The following MROH2B variants were observed in gnomAD, a reference collection of about 807,000 sequenced individuals.
MROH2B encodes maestro heat like repeat family member 2B, also known as maestro heat-like repeat-containing protein family member 2B.
Under a neutral mutation model 208.6 loss-of-function variants are expected in MROH2B, and 177 were observed. The ratio of observed to expected loss-of-function variants is 0.85; its 90% confidence interval spans 0.75 to 0.96. MROH2B has a LOEUF of 0.96. Among genes scored for constraint, MROH2B ranks in the 40% least tolerant of loss-of-function variants. The pLI is 0.00. For missense variants in MROH2B, 2,002 were observed against 1,878.7 expected, an observed-to-expected ratio of 1.07 and a Z score of -1.21; for synonymous variants, 728 against 659.0, an observed-to-expected ratio of 1.10 and a Z score of -1.60.
chr5:41,057,574 T>TTTTTTTTTTTTTTTTTTTTTTTTTTTTG (rs1561304757), intron 7 of MROH2B, among the ~76,000 whole-genome samples: 1 of 142,728 alleles, frequency 7.0e-6, no homozygotes, highest in Non-Finnish European at 1.5e-5. Flanking sequence ...TTTTTTTTTT[T>TTTTTTTTTTTTTTTTTTTTTTTTTTTTG]GAGACGGAGT....
At chr5:41,011,285 T>G (rs1056827579) in intron 30 of MROH2B, among the ~76,000 whole-genome samples, 1 of 152,234 alleles carries the variant, frequency 6.6e-6, no homozygotes, top group Non-Finnish European at 1.5e-5. Flanking sequence ...AATTCCTTAG[T>G]TATAAATAGC....
chr5:41,052,174 T>G (rs770909575), intron 12 of MROH2B, among the ~76,000 whole-genome samples: 14 of 148,622 alleles, frequency 9.4e-5, no homozygotes, highest in Non-Finnish European at 2.1e-4. Flanking sequence ...TGATTTAACC[T>G]ATCTTGTGTT....
Position 41,018,937 on chromosome 5 carries a change from A to G in MROH2B, c.2523T>C (p.Pro841=). The change falls in exon 25 of 42, where the codon CCT becomes CCC. Residue 841 remains proline, a synonymous_variant. Transcript: ENST00000399564. The part of the protein sequence containing the change: ...ENIRRLLPLP[P]LENLKSEGQT... ...GGCCTTCACTTTTCAGATTTTCCAG[A>G]GGTGGAAGGGGCAGCAGCCTCCGAA... The G allele has an allele frequency of 6.2e-7, 1 of 1,613,802 alleles. No homozygotes were observed. Among genetic ancestry groups the G allele is most frequent in the South Asian group, 1.1e-5 (1 of 91,072 alleles).
At chr5:41,065,031 G>GT (rs1743758251) in intron 4 of MROH2B, among the ~76,000 whole-genome samples, 1 of 152,210 alleles carries the variant, frequency 6.6e-6, no homozygotes, top group African/African-American at 2.4e-5. Context: ...CTTATTTCAT[G>GT]TAAGTGTTCA....
Position 40,999,849 on chromosome 5 carries a change from G to A in MROH2B, c.4483-70C>T, listed in dbSNP as rs1579894385. 6 of 1,417,330 alleles carry A rather than the reference G, an allele frequency of 4.2e-6. No homozygotes were observed. In the East Asian group the frequency reaches 1.4e-4, roughly 33 times the overall value. The allele number at this position is 1,417,330 out of a possible 1,614,324, so 87.8% of individuals were successfully genotyped here. A position where few individuals can be genotyped will look rare whatever the true frequency, so the allele number is the denominator to read the frequency against. ...CTTTGTGACATTTGGCATCCTATAG[G>A]TCCTCAGAACGGATTTGTAAAGGCC... On this transcript the variant is annotated intron_variant, in intron 39 of 41. Transcript: ENST00000399564.
At chr5:41,027,939 C>T (rs1056733189) in intron 24 of MROH2B, among the ~76,000 whole-genome samples, 4 of 151,536 alleles carry the variant, frequency 2.6e-5, no homozygotes, top group African/African-American at 9.7e-5. Flanking sequence ...ATTGCAAGGC[C>T]GAAAAACCAA....
chr5:41,018,003 G>C, intron 27 of MROH2B, 33 bp from the exon 28 acceptor site: 2 of 1,559,696 alleles, frequency 1.3e-6, no homozygotes, highest in Non-Finnish European at 1.7e-6. Context: ...TATTGTGATG[G>C]GGTAGCTTGG....
chr5:41,054,320 A>G (rs73090400), intron 11 of MROH2B, among the ~76,000 whole-genome samples: 1,641 of 152,338 alleles, frequency 0.011, 33 homozygotes, highest in African/African-American at 0.037. Flanking sequence ...GCAATCCGCT[A>G]TGTGCATGAC....
rs762439082 is a variant in MROH2B at position 41,000,201 on chromosome 5, G to A, written c.4482+19C>T. On this transcript the variant is annotated intron_variant, in intron 39 of 41. Coordinates refer to ENST00000399564, the MANE Select transcript of MROH2B (RefSeq NM_173489.5). ...CCTTGTCCTGCCTTTTTTGGAGGCG[G>A]CATCTATTGGACACTCACCAGTTTC... 6.2e-7 allele frequency: 1 copy of A among 1,608,778 alleles called. No homozygotes were observed. Among genetic ancestry groups the A allele is most frequent in the Admixed American group, 1.7e-5 (1 of 58,686 alleles).
intron 38 of MROH2B, 72 bp from the exon 39 acceptor site, chr5:41,000,423 ATAG>A: frequency 6.4e-7 from 1 of 1,568,928 alleles, no homozygotes; most frequent in Non-Finnish European, 8.6e-7. Context: ...AAAATGCTGA[ATAG>A]TACTGGGAAA....
Position 41,009,956 on chromosome 5 carries a change from C to T in MROH2B, c.3259G>A (p.Val1087Ile). The change falls in exon 31 of 42, where the codon GTC becomes ATC. Residue 1087 changes from valine (V) to isoleucine (I), a missense_variant. Transcript: ENST00000399564. Reference sequence around the variant, plus strand: ...GGCAGAGGCTTCTGTAAAAGGTTGACAACAACTGTATCCATGTGAAAGCTG... The same window carrying T: ...GGCAGAGGCTTCTGTAAAAGGTTGATAACAACTGTATCCATGTGAAAGCTG... The part of the protein sequence containing the change: ...IASFHMDTVV[V>I]NLLQKPLPFD... 6.2e-7 allele frequency: 1 copy of T among 1,613,776 alleles called. No homozygotes were observed. The highest frequency in any genetic ancestry group is 1.7e-5 in the Admixed American group (1 of 60,000).
At chr5:41,028,892 A>T (rs1418494267) in intron 24 of MROH2B, among the ~76,000 whole-genome samples, 1 of 152,188 alleles carries the variant, frequency 6.6e-6, no homozygotes, top group Non-Finnish European at 1.5e-5. Flanking sequence ...TTGTTACCTA[A>T]ATAGTGTACA....
At chr5:41,018,114 G>T in intron 27 of MROH2B, 144 bp from the exon 28 acceptor site, 1 of 1,247,858 alleles carries the variant, frequency 8.0e-7, no homozygotes, top group Non-Finnish European at 1.1e-6. Flanking sequence ...CCTAAAAGAT[G>T]CCTATTTTTA....
chr5:41,065,280 A>T, intron 4 of MROH2B, 51 bp downstream of exon 4: 1 of 1,542,736 alleles, frequency 6.5e-7, no homozygotes, highest in Admixed American at 2.0e-5. Flanking sequence ...GCTTTTAGAC[A>T]ATTAGAAGTT....
At chr5:41,048,589 A>T (rs1480043481) in intron 15 of MROH2B, 124 bp from the exon 16 acceptor site, 3 of 1,075,890 alleles carry the variant, frequency 2.8e-6, no homozygotes, top group Non-Finnish European at 3.8e-6. Context: ...TTAACAAATC[A>T]TCACAGTCTA....
chr5:41,012,357 GAC>G (rs1262324188), intron 30 of MROH2B, among the ~76,000 whole-genome samples: 1 of 152,188 alleles, frequency 6.6e-6, no homozygotes, highest in Non-Finnish European at 1.5e-5. Flanking sequence ...GCCAGAAAGA[GAC>G]AGTTTGAACA....
At chr5:41,006,459 G>A (rs544646724) in intron 34 of MROH2B, among the ~76,000 whole-genome samples, 8 of 152,258 alleles carry the variant, frequency 5.3e-5, no homozygotes, top group East Asian at 1.9e-4. Context: ...TAGATCTACC[G>A]GTTGATCCAA....
At chr5:41,053,553 G>A (rs774353103) in intron 11 of MROH2B, among the ~76,000 whole-genome samples, 3 of 152,020 alleles carry the variant, frequency 2.0e-5, no homozygotes, top group African/African-American at 4.8e-5. Context: ...AAAAGAGAGC[G>A]GGAAGAAAAA....
chr5:40,999,574 T>G (rs552947612), intron 40 of MROH2B, 103 bp downstream of exon 40: 33 of 831,354 alleles, frequency 4.0e-5, no homozygotes, highest in Non-Finnish European at 6.0e-5. Flanking sequence ...ATAAAAAAGT[T>G]ATACCAGTCC....
Sources: allele counts gnomAD v4.1 joint callset (sites outside exome capture counted in the v4.1 genomes callset), GRCh38; gene constraint gnomAD v4.1.1; transcripts MANE v1.5; gene names NCBI Gene and HGNC (gene_info 2026-07-23, HGNC 2026-07-21).